The following ASB15 variants were observed in gnomAD, a reference collection of about 807,000 sequenced individuals.
The protein encoded by ASB15 is ankyrin repeat and SOCS box protein 15.
In ASB15, 54 loss-of-function variants were observed where a neutral mutation model predicts 58.0. That is an observed-to-expected ratio of 0.93 (90% CI 0.75 to 1.17). ASB15 has a LOEUF of 1.17. Ranked by LOEUF, ASB15 falls within the 50% of genes most tolerant of loss-of-function variation. The pLI, the probability that ASB15 is intolerant of heterozygous loss-of-function variation, is 0.00. For missense variants in ASB15, 680 were observed against 707.4 expected, an observed-to-expected ratio of 0.96 and a Z score of 0.44; for synonymous variants, 249 against 262.4, an observed-to-expected ratio of 0.95 and a Z score of 0.50.
chr7:123,614,239 G>GAAAA, intron 3 of ASB15: 11 of 301,578 alleles, frequency 3.6e-5, no homozygotes, highest in Non-Finnish European at 5.4e-5. Context: ...AGTCATTACT[G>GAAAA]AAAAAAAAAA....
At chr7:123,620,521 TATATATATATATATATATATATATATATA>T (rs1562933116) in intron 7 of ASB15, among the ~76,000 whole-genome samples, 3 of 12,102 alleles carry the variant, frequency 2.5e-4, no homozygotes, top group Non-Finnish European at 3.8e-4. Context: ...TATATATATA[TATATATATATATATATATATATATATATA>T]TATATTTTTT....
At chr7:123,582,581 C>T (rs1799266364) in intron 1 of ASB15, among the ~76,000 whole-genome samples, 1 of 151,904 alleles carries the variant, frequency 6.6e-6, no homozygotes, top group African/African-American at 2.4e-5. Flanking sequence ...ATCAGCATTC[C>T]CCCCAGATAT....
At chr7:123,633,461 C>A (rs916647772) in intron 11 of ASB15, among the ~76,000 whole-genome samples, 1 of 151,640 alleles carries the variant, frequency 6.6e-6, no homozygotes, top group Admixed American at 6.6e-5. Flanking sequence ...TCCTTGAAAC[C>A]AAGGATTGTC....
intron 1 of ASB15, among the ~76,000 whole-genome samples, chr7:123,570,959 A>T (rs1217407522): frequency 6.6e-6 from 1 of 152,202 alleles, no homozygotes; most frequent in East Asian, 1.9e-4. Context: ...CTCTGGAACT[A>T]TGCCAATATT....
intron 6 of ASB15, among the ~76,000 whole-genome samples, chr7:123,616,965 GCAAAT>G (rs1425606687): frequency 6.6e-6 from 1 of 151,770 alleles, no homozygotes; most frequent in Non-Finnish European, 1.5e-5. Context: ...AAATATTATG[GCAAAT>G]CAAGCCACTG....
chr7:123,571,536 T>C (rs1798907380), intron 1 of ASB15, among the ~76,000 whole-genome samples: 2 of 152,320 alleles, frequency 1.3e-5, no homozygotes, highest in Non-Finnish European at 2.9e-5. Flanking sequence ...CAGTTTATCT[T>C]TTTATTTGTA....
intron 1 of ASB15, among the ~76,000 whole-genome samples, chr7:123,588,599 C>CT (rs796240492): frequency 4.0e-4 from 56 of 140,998 alleles, no homozygotes; most frequent in African/African-American, 1.3e-3. Context: ...TCCTTTCTGT[C>CT]TTTTTTCTAC....
chr7:123,626,733 TG>T (rs1323443080), intron 8 of ASB15, among the ~76,000 whole-genome samples: 1 of 152,132 alleles, frequency 6.6e-6, no homozygotes, highest in Non-Finnish European at 1.5e-5. Context: ...GGGGGTTTTT[TG>T]TTTGTTTGTT....
Position 123,624,763 on chromosome 7 carries a change from G to A in ASB15, c.646G>A (p.Val216Ile), listed in dbSNP as rs1801655858. ...TGGATTTGGAGTCACACCACTAGGC[G>A]TCGCTGCCGAGTATGGTCACTGTGA... Reference protein sequence around the residue: ...RDGFGVTPLGVAAEYGHCDVL... With the variant: ...RDGFGVTPLGIAAEYGHCDVL... Residue 216 changes from valine (V) to isoleucine (I), a missense_variant, in exon 8 of 12, where the codon GTC (valine) becomes ATC (isoleucine). Coordinates refer to ENST00000451215, the MANE Select transcript of ASB15 (RefSeq NM_001290258.2). The A allele has an allele frequency of 6.2e-7, 1 of 1,613,812 alleles. No homozygotes were observed. The highest frequency in any genetic ancestry group is 1.7e-5 in the Admixed American group (1 of 60,002).
intron 6 of ASB15, among the ~76,000 whole-genome samples, chr7:123,617,063 A>G (rs1313676751): frequency 6.6e-6 from 1 of 152,162 alleles, no homozygotes; most frequent in Non-Finnish European, 1.5e-5. Flanking sequence ...AGAGTGCCCT[A>G]TCGTTCAGCT....
chr7:123,607,039 A>G (rs1358640791), intron 2 of ASB15, among the ~76,000 whole-genome samples: 3 of 152,204 alleles, frequency 2.0e-5, no homozygotes, highest in African/African-American at 7.2e-5. Context: ...ACTGTTTTTT[A>G]AAATAGCTAT....
rs567282721 is a variant in ASB15, at chr7:123,574,199, T to TC, written c.-443+7111_-443+7112insC. Among the ~76,000 whole-genome samples the TC allele has an allele frequency of 2.6e-3, 387 of 151,254 alleles. 4 individuals carry two copies. The highest frequency in any genetic ancestry group is 8.7e-3 in the African/African-American group (359 of 41,218). ...AAATTGATCACCAGGTTCCATCTCCTTTTTTTTTCTTTTTTTTTTTCTGAT... is the reference window on the plus strand; with the variant it reads ...AAATTGATCACCAGGTTCCATCTCCTCTTTTTTTTCTTTTTTTTTTTCTGAT... On this transcript the variant is annotated intron_variant, in intron 1 of 13. Transcript: ENST00000451558.
intron 2 of ASB15, among the ~76,000 whole-genome samples, chr7:123,605,516 T>A (rs1394176432): frequency 6.6e-6 from 1 of 152,148 alleles, no homozygotes; most frequent in African/African-American, 2.4e-5. Flanking sequence ...GGAATATAAA[T>A]CACCGTACCA....
chr7:123,633,244 G>A (rs1424591469), intron 11 of ASB15, among the ~76,000 whole-genome samples: 2 of 152,076 alleles, frequency 1.3e-5, no homozygotes, highest in Admixed American at 6.5e-5. Context: ...ATGGTTATAT[G>A]CTCTGATAAA....
At chr7:123,574,714 T>C (rs1214030060) in intron 1 of ASB15, among the ~76,000 whole-genome samples, 1 of 152,156 alleles carries the variant, frequency 6.6e-6, no homozygotes, top group Non-Finnish European at 1.5e-5. Flanking sequence ...GCTAATTCCT[T>C]AACCCACTGT....
At chr7:123,626,804 C>A (rs1801818723) in intron 8 of ASB15, among the ~76,000 whole-genome samples, 1 of 152,126 alleles carries the variant, frequency 6.6e-6, no homozygotes, top group Non-Finnish European at 1.5e-5. Context: ...GTGGAGTGAT[C>A]TCGGCTCATC....
At chr7:123,628,384 G>C (rs774685299) in intron 9 of ASB15, among the ~76,000 whole-genome samples, 5 of 152,180 alleles carry the variant, frequency 3.3e-5, no homozygotes, top group African/African-American at 4.8e-5. Flanking sequence ...TGCCTCTCTA[G>C]ACTTCAGATT....
chr7:123,611,709 A>C (rs1800473302), intron 3 of ASB15, among the ~76,000 whole-genome samples: 1 of 152,206 alleles, frequency 6.6e-6, no homozygotes, highest in Admixed American at 6.5e-5. Flanking sequence ...TTAGATAAAT[A>C]AGTTACTCTC....
Position 123,620,528 on chromosome 7 carries a change from ATATATATATATATATATATATATATATT to A in ASB15, c.451+2793_451+2820del, listed in dbSNP as rs1801197498. Among the ~76,000 whole-genome samples, 21 of 16,522 alleles carry A rather than the reference ATATATATATATATATATATATATATATT, an allele frequency of 1.3e-3. 1 individual carries two copies. The highest frequency in any genetic ancestry group is 1.3e-3 in the Non-Finnish European group (11 of 8,156). The allele number at this position is 16,522 out of a possible 152,430, so 10.8% of individuals were successfully genotyped here. ...CATACATATATATATATATATATATATATATATATATATATATATATATATATTTTTTTTTTTTTTTTTTTTTTTTTTT... is the reference window on the plus strand; with the variant it reads ...CATACATATATATATATATATATATATTTTTTTTTTTTTTTTTTTTTTTTT... On this transcript the variant is annotated intron_variant, in intron 7 of 11. Transcript: ENST00000451215.
Sources: gnomAD v4.1 joint callset for allele counts (sites outside exome capture counted in the v4.1 genomes callset) on GRCh38, gnomAD v4.1.1 for gene constraint, MANE v1.5 for transcripts, NCBI Gene and HGNC (gene_info 2026-07-23, HGNC 2026-07-21) for gene names.